DCTN2: variants seen among roughly 807,000 people sequenced by gnomAD.
DCTN2 encodes 50 kDa dynein-associated polypeptide.
A neutral mutation model predicts 55.4 loss-of-function variants in DCTN2; 18 were observed. That is an observed-to-expected ratio of 0.32 (90% CI 0.22 to 0.48). The LOEUF is 0.48. DCTN2 is among the 20% of genes least tolerant of loss of function. DCTN2 has a pLI of 0.99. For missense variants in DCTN2, 390 were observed against 491.0 expected (o/e 0.79, Z 1.94); for synonymous variants, 168 against 185.2 (o/e 0.91, Z 0.76).
intron 6 of DCTN2, 70 bp downstream of exon 6, chr12:57,534,222 T>C (rs1880021856): frequency 6.5e-7 from 1 of 1,526,926 alleles, no homozygotes; most frequent in African/African-American, 1.4e-5. Flanking sequence ...TTAGCACCCC[T>C]GTCAGTAGCT....
Position 57,534,093 on chromosome 12 carries a change from G to T in DCTN2, c.529C>A (p.Leu177Ile), listed in dbSNP as rs752618690. The T allele has an allele frequency of 6.3e-7, 1 of 1,598,218 alleles. No individual in the cohort carries two copies. The highest frequency in any genetic ancestry group is 1.7e-5 in the Admixed American group (1 of 57,244). The change falls in exon 7 of 14, where the codon CTA (leucine) becomes ATA (isoleucine). Residue 177 changes from leucine (L) to isoleucine (I), a missense_variant. Coordinates refer to ENST00000548249, the MANE Select transcript of DCTN2 (RefSeq NM_001261413.2). ...TDPDGALAKR[L>I]LLQLEATKNS... ...TTTGTTGCTTCCAGCTGCAGTAGTAGGCGCCTAGTTAGGAGACCGAGTAAT... is the reference window on the plus strand; with the variant it reads ...TTTGTTGCTTCCAGCTGCAGTAGTATGCGCCTAGTTAGGAGACCGAGTAAT...
At chr12:57,546,655 G>A (rs941813721) in intron 1 of DCTN2, among the ~76,000 whole-genome samples, 1 of 152,170 alleles carries the variant, frequency 6.6e-6, no homozygotes, top group African/African-American at 2.4e-5. Context: ...GCAGGATGAA[G>A]GCCATCGTTA....
intron 2 of DCTN2, chr12:57,538,393 T>C (rs754553158): frequency 4.8e-5 from 33 of 686,864 alleles, no homozygotes; most frequent in Admixed American, 1.6e-4. Flanking sequence ...ACTTGTGAGA[T>C]AGGAAAAGGC....
At position 57,532,720 on chromosome 12, in the gene DCTN2, C is replaced by T; in HGVS notation, c.852+13G>A. On this transcript the variant is annotated intron_variant, in intron 10 of 13. Transcript: ENST00000548249. ...CAAGCTATCCATAATTTAATTTTCCCTCCATTTAATACCTGTAGCCGAGCC... is the reference window on the plus strand; with the variant it reads ...CAAGCTATCCATAATTTAATTTTCCTTCCATTTAATACCTGTAGCCGAGCC... The T allele has an allele frequency of 1.2e-6, 2 of 1,613,890 alleles. No individual in the cohort carries two copies. Among genetic ancestry groups the T allele is most frequent in the Non-Finnish European group, 8.5e-7 (1 of 1,179,862 alleles).
Position 57,534,311 on chromosome 12 carries a change from G to A in DCTN2, c.505C>T (p.Pro169Ser). ...GPDAAINLTDPDGALAKRLLL... is the reference protein window; with the variant it reads ...GPDAAINLTDSDGALAKRLLL... ...ACCCACTTAGCCAGGGCGCCATCGG[G>A]GTCGGTAAGGTTGATTGCAGCATCT... Residue 169 changes from proline (P) to serine (S), a missense_variant, in exon 6 of 14, where the codon CCC becomes TCC. Pro to Ser is a moderately conservative substitution (Grantham distance 74). Around this residue, in one of 2 missense-constraint regions of DCTN2, gnomAD observed 273 missense variants for 303.2 expected, o/e 0.90. Coordinates refer to ENST00000548249, the MANE Select transcript of DCTN2 (RefSeq NM_001261413.2). 1 of 1,595,772 alleles carries A rather than the reference G, an allele frequency of 6.3e-7. No homozygotes were observed. Among genetic ancestry groups the A allele is most frequent in the Non-Finnish European group, 8.6e-7 (1 of 1,167,130 alleles).
chr12:57,535,884 TC>T, intron 2 of DCTN2, 39 bp from the exon 3 acceptor site: 1 of 1,508,620 alleles, frequency 6.6e-7, no homozygotes. Context: ...ACACACTCAT[TC>T]CCACTCTAGA....
intron 2 of DCTN2, chr12:57,540,203 C>G (rs182641333): frequency 4.7e-5 from 42 of 884,406 alleles, no homozygotes; most frequent in Admixed American, 3.1e-4. Flanking sequence ...ATACCTTTCT[C>G]TGATTTGTCC....
Position 57,530,311 on chromosome 12 carries a change from C to T in DCTN2, c.*378G>A, listed in dbSNP as rs1173595385. The T allele has an allele frequency of 5.7e-6, 1 of 174,506 alleles. No homozygotes were observed. The highest frequency in any genetic ancestry group is 1.2e-5 in the Non-Finnish European group (1 of 82,584). 10.8% of individuals were successfully genotyped at this position (174,506 alleles called of 1,614,324 possible). On this transcript the variant is annotated 3_prime_UTR_variant, in exon 14 of 14. Coordinates refer to ENST00000548249, the MANE Select transcript of DCTN2 (RefSeq NM_001261413.2). The stretch of plus-strand genomic sequence containing the variant: ...CCCAGGAAACACAGCAGAGGCCACA[C>T]AGAGTACAACAGCATTTAATGGTCA...
intron 4 of DCTN2, 77 bp from the exon 5 acceptor site, chr12:57,535,231 T>A: frequency 8.0e-7 from 1 of 1,243,896 alleles, no homozygotes; most frequent in Non-Finnish European, 1.1e-6. Context: ...ACCCTGGGCC[T>A]AAGTCATAAA....
At chr12:57,540,292 C>T (rs1471526122) in intron 2 of DCTN2, among the ~76,000 whole-genome samples, 3 of 152,212 alleles carry the variant, frequency 2.0e-5, no homozygotes, top group East Asian at 1.9e-4. Context: ...TCAAACCATG[C>T]GGATTGGGCA....
chr12:57,532,335 C>A lies in DCTN2; in HGVS notation c.925-20G>T, dbSNP rs760495980. The A allele has an allele frequency of 7.6e-5, 118 of 1,551,730 alleles. No homozygotes were observed. Among genetic ancestry groups the A allele is most frequent in the Non-Finnish European group, 9.3e-5 (106 of 1,145,782 alleles). On this transcript the variant is annotated intron_variant, in intron 11 of 13. Coordinates refer to ENST00000548249, the MANE Select transcript of DCTN2 (RefSeq NM_001261413.2). The stretch of plus-strand genomic sequence containing the variant: ...GTGCACCTGAAGGGACACAATGGGG[C>A]CCAGAGGGGATGGCTGAGGCAGCCA...
intron 2 of DCTN2, among the ~76,000 whole-genome samples, chr12:57,545,525 G>C (rs1467645720): frequency 6.6e-6 from 1 of 152,074 alleles, no homozygotes; most frequent in Non-Finnish European, 1.5e-5. Flanking sequence ...TCTCACATCC[G>C]CTGATGTGAA....
intron 1 of DCTN2, 130 bp downstream of exon 1, chr12:57,546,898 G>T: frequency 2.5e-6 from 2 of 793,476 alleles, no homozygotes; most frequent in Non-Finnish European, 3.4e-6. Context: ...GCCGATCGGA[G>T]AACGAGCGGC....
intron 2 of DCTN2, among the ~76,000 whole-genome samples, chr12:57,540,277 C>T (rs185082339): frequency 1.3e-5 from 2 of 152,234 alleles, no homozygotes; most frequent in Admixed American, 1.3e-4. Context: ...GCCATAAGCT[C>T]AATTTCAAAC....
chr12:57,534,556 A>G, intron 5 of DCTN2, 104 bp from the exon 6 acceptor site: 2 of 1,295,120 alleles, frequency 1.5e-6, no homozygotes, highest in Non-Finnish European at 1.1e-6. Flanking sequence ...GGTCACTGGG[A>G]TGGTTTTCAG....
chr12:57,542,128 T>C (rs1254784008), intron 2 of DCTN2, among the ~76,000 whole-genome samples: 2 of 151,940 alleles, frequency 1.3e-5, no homozygotes, highest in African/African-American at 4.8e-5. Context: ...TACAAAAAAT[T>C]AGCCGGGTGT....
At position 57,547,133 on chromosome 12, in the gene DCTN2, G is replaced by A. The variant is rs530273058; in HGVS notation, c.-70C>T. ...GGGGCCGGTGTTCGGGTAGGGGAGAGGCTGGGTTCGGGTCCCGGGCTAAGG... is the reference window on the plus strand; with the variant it reads ...GGGGCCGGTGTTCGGGTAGGGGAGAAGCTGGGTTCGGGTCCCGGGCTAAGG... On this transcript the variant is annotated 5_prime_UTR_variant, in exon 1 of 14. Transcript: ENST00000548249. 80 of 1,220,720 alleles carry A rather than the reference G, an allele frequency of 6.6e-5. 1 individual carries two copies. In the African/African-American group the frequency reaches 1.1e-3, roughly 16 times the overall value. The allele number at this position is 1,220,720 out of a possible 1,614,324, so 75.6% of individuals were successfully genotyped here. A position where few individuals can be genotyped will look rare whatever the true frequency, so the allele number is the denominator to read the frequency against.
chr12:57,544,144 T>G (rs770158641), intron 2 of DCTN2: 7 of 453,812 alleles, frequency 1.5e-5, no homozygotes, highest in South Asian at 1.1e-4. Context: ...AGTTGAACAG[T>G]CTGAACTGTG....
At chr12:57,538,158 C>A (rs1006126566) in intron 2 of DCTN2, 6 of 387,656 alleles carry the variant, frequency 1.5e-5, no homozygotes, top group African/African-American at 1.3e-4. Flanking sequence ...AGGGTCAACA[C>A]ATAGACGGTG....
Sources: allele counts gnomAD v4.1 joint callset (sites outside exome capture counted in the v4.1 genomes callset), GRCh38; gene constraint gnomAD v4.1.1; regional missense constraint gnomAD v4.1.1; transcripts MANE v1.5; gene names NCBI Gene and HGNC (gene_info 2026-07-23, HGNC 2026-07-21).